The following PTPN3 variants were observed in gnomAD, a reference collection of about 807,000 sequenced individuals.
The protein encoded by PTPN3 is tyrosine-protein phosphatase non-receptor type 3.
Under a neutral mutation model 132.7 loss-of-function variants are expected in PTPN3, and 96 were observed. That is an observed-to-expected ratio of 0.72 (90% confidence interval 0.61 to 0.86). PTPN3 has a LOEUF of 0.86. Among genes scored for constraint, PTPN3 ranks in the 40% least tolerant of loss-of-function variants. The pLI, the probability that PTPN3 is intolerant of heterozygous loss-of-function variation, is 0.00. For missense variants in PTPN3, 1,125 were observed against 1,159.6 expected (o/e 0.97, Z 0.43); for synonymous variants, 398 against 429.0 (o/e 0.93, Z 0.89).
rs1564407127 is a variant in PTPN3, at chr9:109,410,325, GC to G, written c.1403del (p.Cys468SerfsTer11). 1 of 1,614,212 alleles carries G rather than the reference GC, an allele frequency of 6.2e-7. No homozygotes were observed. Among genetic ancestry groups the G allele is most frequent in the South Asian group, 1.1e-5 (1 of 91,074 alleles). Reference protein sequence around the residue: ...VSPSSNAPGSCSPDGVDQQLL... With the variant: ...VSPSSNAPGSXSPDGVDQQLL... ...GCTGCTGATCAACGCCGTCAGGTGA[GC>G]AGGAGCCTGGAGCATTTGAAGATGG... On this transcript the variant is annotated frameshift_variant, in exon 15 of 26. Transcript: ENST00000374541. LOFTEE classifies it high-confidence loss of function.
At chr9:109,518,510 G>C in the PTPN3 span, among the ~76,000 whole-genome samples, 1 of 152,190 alleles carries the variant, frequency 6.6e-6, no homozygotes, top group African/African-American at 2.4e-5. Context: ...CAGCCTCTAG[G>C]TGATCTGTGT....
chr9:109,458,645 C>T (rs906522427), intron 2 of PTPN3, among the ~76,000 whole-genome samples: 19 of 152,124 alleles, frequency 1.2e-4, no homozygotes, highest in Admixed American at 2.6e-4. Flanking sequence ...ACATGAAACA[C>T]GCCCATTTCC....
At chr9:109,502,636 T>C (rs1396057993), upstream of PTPN3, among the ~76,000 whole-genome samples, 1 of 151,788 alleles carries the variant, frequency 6.6e-6, no homozygotes, top group Non-Finnish European at 1.5e-5. Flanking sequence ...TCTCTACAAA[T>C]AAGAAAAAAA....
chr9:109,496,774 AC>A (rs1847685805), intron 1 of PTPN3, among the ~76,000 whole-genome samples: 5 of 152,206 alleles, frequency 3.3e-5, no homozygotes, highest in African/African-American at 1.2e-4. Flanking sequence ...TTTGATTGGA[AC>A]AACTGGGGAA....
At chr9:109,506,365 G>A in the PTPN3 span, among the ~76,000 whole-genome samples, 6 of 152,178 alleles carry the variant, frequency 3.9e-5, no homozygotes, top group Non-Finnish European at 5.9e-5. Flanking sequence ...ATCCCCTCCC[G>A]AAGAGGAACT....
chr9:109,377,990 C>T lies in PTPN3; in HGVS notation c.*1566G>A, dbSNP rs1174866197. 1 of 152,114 alleles carries T rather than the reference C, an allele frequency of 6.6e-6. No individual in the cohort carries two copies. Among genetic ancestry groups the T allele is most frequent in the Admixed American group, 6.6e-5 (1 of 15,260 alleles). The allele number at this position is 152,114 out of a possible 1,614,324, so 9.4% of individuals were successfully genotyped here. On this transcript the variant is annotated 3_prime_UTR_variant, in exon 26 of 26. Transcript: ENST00000374541. ...CCTCTGCCATTTAGCAGTAAAATAT[C>T]CATGTGGAAAAGAAACAAAGTATGC...
chr9:109,458,484 A>G (rs551432311), intron 2 of PTPN3, among the ~76,000 whole-genome samples: 5 of 151,528 alleles, frequency 3.3e-5, no homozygotes, highest in Non-Finnish European at 5.9e-5. Context: ...GAACAGGCAA[A>G]GGTAGCTCCT....
chr9:109,535,583 T>C, the PTPN3 span, among the ~76,000 whole-genome samples: 1 of 152,114 alleles, frequency 6.6e-6, no homozygotes, highest in Non-Finnish European at 1.5e-5. Context: ...TCTCAGCTCA[T>C]TGCAGTCTCC....
At chr9:109,529,907 CTTAT>C in the PTPN3 span, among the ~76,000 whole-genome samples, 2 of 151,858 alleles carry the variant, frequency 1.3e-5, no homozygotes, top group South Asian at 2.1e-4. Flanking sequence ...ACCATCTTTT[CTTAT>C]TTATTTATTT....
At position 109,378,297 on chromosome 9, in the gene PTPN3, T is replaced by A. The variant is rs1838740976; in HGVS notation, c.*1259A>T. The A allele has an allele frequency of 1.3e-5, 2 of 152,552 alleles. No individual in the cohort carries two copies. The highest frequency in any genetic ancestry group is 2.1e-4 in the South Asian group (1 of 4,828). The allele number at this position is 152,552 out of a possible 1,614,324, so 9.4% of individuals were successfully genotyped here. A position where few individuals can be genotyped will look rare whatever the true frequency, so the allele number is the denominator to read the frequency against. ...ATTTGCTACAATCCTGTCACAAATTTAAAAAAATTTAACACGGTATTCACA... is the reference window on the plus strand; with the variant it reads ...ATTTGCTACAATCCTGTCACAAATTAAAAAAAATTTAACACGGTATTCACA... On this transcript the variant is annotated 3_prime_UTR_variant, in exon 26 of 26. Coordinates refer to ENST00000374541, the MANE Select transcript of PTPN3 (RefSeq NM_002829.4).
intron 22 of PTPN3, among the ~76,000 whole-genome samples, chr9:109,385,094 C>A (rs1171419469): frequency 1.3e-5 from 2 of 152,204 alleles, no homozygotes; most frequent in Admixed American, 1.3e-4. Flanking sequence ...TCAACCCATG[C>A]AAGGCAGAAC....
chr9:109,471,860 G>A (rs550483722), intron 1 of PTPN3, among the ~76,000 whole-genome samples: 1 of 152,252 alleles, frequency 6.6e-6, no homozygotes, highest in African/African-American at 2.4e-5. Context: ...GGTGCAGCTG[G>A]TCTGAGAGCC....
intron 1 of PTPN3, among the ~76,000 whole-genome samples, chr9:109,495,640 C>A: frequency 6.6e-6 from 1 of 152,204 alleles, no homozygotes; most frequent in Non-Finnish European, 1.5e-5. Context: ...GCCAACAAAG[C>A]GTTGCTCTCA....
chr9:109,388,285 A>G (rs1428833708), intron 22 of PTPN3, among the ~76,000 whole-genome samples: 2 of 152,166 alleles, frequency 1.3e-5, no homozygotes, highest in Non-Finnish European at 2.9e-5. Flanking sequence ...CAGAAGAGGG[A>G]GGAAACATGC....
chr9:109,422,714 A>T lies in PTPN3; in HGVS notation c.1136+4T>A. 6.3e-7 allele frequency: 1 copy of T among 1,593,906 alleles called. No homozygotes were observed. The highest frequency in any genetic ancestry group is 8.5e-7 in the Non-Finnish European group (1 of 1,171,900). ...GTACAAAAAAAAAAAAAAGGAGGAC[A>T]TACCAGTTGGGAGTAATGGGAGGGG... On this transcript the variant is annotated splice_donor_region_variant and intron_variant, in intron 13 of 25. Coordinates refer to ENST00000374541, the MANE Select transcript of PTPN3 (RefSeq NM_002829.4).
intron 14 of PTPN3, among the ~76,000 whole-genome samples, chr9:109,417,034 A>G (rs1842558693): frequency 6.6e-6 from 1 of 152,206 alleles, no homozygotes; most frequent in African/African-American, 2.4e-5. Flanking sequence ...GGAGAGTGGT[A>G]GCTTTTTCAT....
the PTPN3 span, among the ~76,000 whole-genome samples, chr9:109,509,256 A>G: frequency 1.3e-5 from 2 of 152,208 alleles, no homozygotes; most frequent in Non-Finnish European, 2.9e-5. Context: ...CTAGAATTGT[A>G]TATAGTGCAG....
intron 18 of PTPN3, 119 bp from the exon 19 acceptor site, chr9:109,404,727 T>C (rs981439800): frequency 2.6e-6 from 3 of 1,144,700 alleles, no homozygotes; most frequent in Non-Finnish European, 3.4e-6. Flanking sequence ...TCTTATTAAA[T>C]GATTAAGCTA....
intron 25 of PTPN3, 55 bp from the exon 26 acceptor site, chr9:109,379,688 C>T (rs1486892680): frequency 6.9e-7 from 1 of 1,441,348 alleles, no homozygotes; most frequent in Non-Finnish European, 9.8e-7. Context: ...TGCTGCCTAC[C>T]ACACCCTGTA....
Sources: allele counts gnomAD v4.1 joint callset (sites outside exome capture counted in the v4.1 genomes callset), GRCh38; gene constraint gnomAD v4.1.1; transcripts MANE v1.5; gene names NCBI Gene and HGNC (gene_info 2026-07-23, HGNC 2026-07-21).